Variants in SLC4A10 observed in about 807,000 individuals in gnomAD.
SLC4A10 encodes the protein solute carrier family 4 member 10.
In SLC4A10, 42 loss-of-function variants were observed where a neutral mutation model predicts 137.7. The observed-to-expected ratio is 0.30, with a 90% CI of 0.24 to 0.39. The LOEUF is 0.39. Among genes scored for constraint, SLC4A10 ranks in the 10% least tolerant of loss-of-function variants. The pLI, the probability that SLC4A10 is intolerant of heterozygous loss-of-function variation, is 1.00. For synonymous variants in SLC4A10, 474 were observed against 464.1 expected, an observed-to-expected ratio of 1.02 and a Z score of -0.27; for missense variants, 925 against 1,355.0, an observed-to-expected ratio of 0.68 and a Z score of 4.98.
intron 1 of SLC4A10, among the ~76,000 whole-genome samples, chr2:161,696,562 T>G (rs2124966795): frequency 6.7e-6 from 1 of 150,250 alleles, no homozygotes; most frequent in African/African-American, 2.4e-5. Flanking sequence ...AGTGTTTGGT[T>G]TTTTGTTCTT....
rs116261148 is a variant in SLC4A10, at chr2:161,772,872, C to T, written c.130+1818C>T. On this transcript the variant is annotated intron_variant, in intron 2 of 26. Transcript: ENST00000446997. ...TGATGCATGCAAAAATTTAATAGAT[C>T]TACTAGTTGTTCTGGATCCATTAGC... is the stretch of plus-strand genomic sequence containing the variant. Among the ~76,000 whole-genome samples the T allele has an allele frequency of 4.2e-3, 643 of 151,888 alleles. 7 individuals are homozygous for T. Among genetic ancestry groups the T allele is most frequent in the African/African-American group, 0.014 (570 of 41,486 alleles).
chr2:161,733,374 A>G (rs960491948), intron 1 of SLC4A10, among the ~76,000 whole-genome samples: 11 of 152,238 alleles, frequency 7.2e-5, no homozygotes, highest in Non-Finnish European at 1.5e-5. Flanking sequence ...CCATGGCTTC[A>G]GATGGTGCAA....
chr2:161,834,830 C>A (rs1055142065), intron 3 of SLC4A10, among the ~76,000 whole-genome samples: 1 of 152,020 alleles, frequency 6.6e-6, no homozygotes, highest in African/African-American at 2.4e-5. Context: ...GACTGACTGT[C>A]CCCAAGCAGT....
intron 3 of SLC4A10, among the ~76,000 whole-genome samples, chr2:161,829,885 GT>G (rs1315184618): frequency 6.6e-6 from 1 of 151,956 alleles, no homozygotes; most frequent in African/African-American, 2.4e-5. Flanking sequence ...AGCAAAAGGG[GT>G]TTCCCCTTAT....
intron 1 of SLC4A10, among the ~76,000 whole-genome samples, chr2:161,663,618 T>C (rs1179528398): frequency 6.6e-6 from 1 of 151,986 alleles, no homozygotes; most frequent in Non-Finnish European, 1.5e-5. Context: ...ATTATAAAAC[T>C]AGTTAATGGA....
chr2:161,934,165 ATC>A (rs1691141317), intron 15 of SLC4A10, among the ~76,000 whole-genome samples: 1 of 152,178 alleles, frequency 6.6e-6, no homozygotes, highest in Non-Finnish European at 1.5e-5. Flanking sequence ...GTTACAAACA[ATC>A]CAATTTTGCT....
At chr2:161,760,403 G>T (rs2050136575) in intron 1 of SLC4A10, among the ~76,000 whole-genome samples, 1 of 151,884 alleles carries the variant, frequency 6.6e-6, no homozygotes, top group Admixed American at 6.6e-5. Flanking sequence ...ATTTCTCAAA[G>T]TTCTACTTTT....
intron 1 of SLC4A10, among the ~76,000 whole-genome samples, chr2:161,684,425 G>T (rs1013170600): frequency 1.3e-5 from 2 of 152,052 alleles, no homozygotes; most frequent in African/African-American, 2.4e-5. Flanking sequence ...CTGGAAAAGT[G>T]CCCTGGAGAG....
chr2:161,728,791 A>G (rs189567963), intron 1 of SLC4A10, among the ~76,000 whole-genome samples: 143 of 152,318 alleles, frequency 9.4e-4, no homozygotes, highest in Middle Eastern at 3.4e-3. Flanking sequence ...ATGAACATCA[A>G]CGCAGATATC....
chr2:161,828,173 G>T (rs2058153065), intron 3 of SLC4A10, among the ~76,000 whole-genome samples: 3 of 152,146 alleles, frequency 2.0e-5, no homozygotes, highest in African/African-American at 7.2e-5. Context: ...GAACCACTTT[G>T]CTAGACAAAG....
At chr2:161,931,947 A>G (rs1249903992) in intron 15 of SLC4A10, among the ~76,000 whole-genome samples, 2 of 152,214 alleles carry the variant, frequency 1.3e-5, no homozygotes, top group African/African-American at 2.4e-5. Flanking sequence ...GTATATATCC[A>G]CTATAATGCT....
At chr2:161,702,239 T>C (rs891310216) in intron 1 of SLC4A10, among the ~76,000 whole-genome samples, 3 of 151,904 alleles carry the variant, frequency 2.0e-5, no homozygotes, top group African/African-American at 7.2e-5. Flanking sequence ...TAAAATCCTG[T>C]CATTTGCAGC....
At chr2:161,863,398 G>A (rs2060543744) in intron 6 of SLC4A10, among the ~76,000 whole-genome samples, 1 of 152,188 alleles carries the variant, frequency 6.6e-6, no homozygotes, top group Non-Finnish European at 1.5e-5. Context: ...GCTTAAAAAT[G>A]TAATGCAGGG....
chr2:161,841,152 A>C (rs538915133), intron 4 of SLC4A10, among the ~76,000 whole-genome samples: 72 of 152,168 alleles, frequency 4.7e-4, no homozygotes, highest in Middle Eastern at 3.4e-3. Context: ...ATCTTGGCTC[A>C]TTGCAACCTC....
At chr2:161,973,452 T>G (rs1698897082) in intron 23 of SLC4A10, among the ~76,000 whole-genome samples, 1 of 152,178 alleles carries the variant, frequency 6.6e-6, no homozygotes. Context: ...ATCCTATGTA[T>G]GAAGAAATGC....
intron 1 of SLC4A10, among the ~76,000 whole-genome samples, chr2:161,689,531 T>C (rs1295300846): frequency 6.6e-6 from 1 of 152,166 alleles, no homozygotes; most frequent in Non-Finnish European, 1.5e-5. Flanking sequence ...TAGTAGGCTA[T>C]CCCCTCCAGA....
In SLC4A10 at chr2:161,694,374, G is replaced by T. The variant is rs184035789; in HGVS notation, c.48+69808G>T. On this transcript the variant is annotated intron_variant, in intron 1 of 26. Coordinates refer to ENST00000446997, the MANE Select transcript of SLC4A10 (RefSeq NM_001178015.2). ...CAGACATAACTTTATGCTGCTTAAG[G>T]CTAAGACCATATTTTACTTCCCTTA... is the stretch of plus-strand genomic sequence containing the variant. 1.9e-3 allele frequency among the ~76,000 whole-genome samples: 285 copies of T among 151,552 alleles called. 1 individual carries two copies. Among genetic ancestry groups the T allele is most frequent in the Non-Finnish European group, 2.8e-3 (187 of 67,844 alleles).
intron 23 of SLC4A10, among the ~76,000 whole-genome samples, chr2:161,970,533 G>C (rs1431987225): frequency 6.6e-6 from 1 of 152,202 alleles, no homozygotes; most frequent in African/African-American, 2.4e-5. Context: ...TTTCTGAAGA[G>C]TATTCCATTT....
chr2:161,711,972 T>C (rs1226520586), intron 1 of SLC4A10, among the ~76,000 whole-genome samples: 5 of 151,894 alleles, frequency 3.3e-5, no homozygotes, highest in East Asian at 1.9e-4. Context: ...GACTTTGTTA[T>C]AGACATTCTA....
Sources: allele counts gnomAD v4.1 joint callset (sites outside exome capture counted in the v4.1 genomes callset), GRCh38; gene constraint gnomAD v4.1.1; transcripts MANE v1.5; gene names NCBI Gene and HGNC (gene_info 2026-07-23, HGNC 2026-07-21).